Variants in PIP5K1A observed in about 807,000 individuals in gnomAD.
PIP5K1A encodes the protein phosphatidylinositol 4-phosphate 5-kinase type-1 alpha.
Under a neutral mutation model 72.9 loss-of-function variants are expected in PIP5K1A, and 46 were observed. That is an observed-to-expected ratio of 0.63 (90% CI 0.50 to 0.81). The LOEUF is 0.81. Among genes scored for constraint, PIP5K1A ranks in the 30% least tolerant of loss-of-function variants. The pLI is 0.00. For missense variants in PIP5K1A, 458 were observed against 706.1 expected (o/e 0.65, Z 3.98); for synonymous variants, 228 against 255.1 (o/e 0.89, Z 1.01).
At chr1:151,224,476 A>G (rs943076592) in intron 3 of PIP5K1A, 70 bp downstream of exon 3, 1 of 1,130,742 alleles carries the variant, frequency 8.8e-7, no homozygotes, top group Non-Finnish European at 1.3e-6. Context: ...TCTCACATTT[A>G]TTGAGCATTT....
rs900643976 is a variant in PIP5K1A at position 151,248,891 on chromosome 1, C to T, written c.*1026C>T. 1.3e-5 allele frequency: 2 copies of T among 152,592 alleles called. No individual in the cohort carries two copies. Among genetic ancestry groups the T allele is most frequent in the African/African-American group, 4.8e-5 (2 of 41,446 alleles). 9.5% of individuals were successfully genotyped at this position (152,592 alleles called of 1,614,324 possible). A position where few individuals can be genotyped will look rare whatever the true frequency, so the allele number is the denominator to read the frequency against. On this transcript the variant is annotated 3_prime_UTR_variant, in exon 16 of 16. Transcript: ENST00000368888. ...TAAGGTAAAGAGGGGACACTTCTGT[C>T]TGTTTAACAGACAGTCCATATCTGT...
At chr1:151,198,011 C>T (rs746077704), upstream of PIP5K1A, 21 of 469,890 alleles carry the variant, frequency 4.5e-5, no homozygotes, top group Non-Finnish European at 1.8e-5. Context: ...CAGGTCTTCA[C>T]TGATTCATGC....
rs115083318 is a variant in PIP5K1A at position 151,202,258 on chromosome 1, G to A, written c.85+3177G>A. ...GAACATTGTCCTTTAGGATTTCAGA[G>A]TTTCACCAAAACTTAAGTGGAGTTC... On this transcript the variant is annotated intron_variant, in intron 1 of 15. Transcript: ENST00000368888. 4.4e-3 allele frequency among the ~76,000 whole-genome samples: 668 copies of A among 152,254 alleles called. 7 individuals carry two copies. The highest frequency in any genetic ancestry group is 0.015 in the African/African-American group (630 of 41,538).
At chr1:151,247,586 C>T (rs587602722) in intron 15 of PIP5K1A, among the ~76,000 whole-genome samples, 29 of 152,172 alleles carry the variant, frequency 1.9e-4, no homozygotes, top group South Asian at 1.7e-3. Context: ...CCACCATGCC[C>T]GGCTAATTTT....
chr1:151,237,756 G>A (rs1691101949), intron 9 of PIP5K1A, among the ~76,000 whole-genome samples: 1 of 152,150 alleles, frequency 6.6e-6, no homozygotes, highest in Admixed American at 6.5e-5. Flanking sequence ...AAATATCTTA[G>A]ATTGTTTCAT....
chr1:151,212,516 C>G (rs1305426349), intron 1 of PIP5K1A, among the ~76,000 whole-genome samples: 2 of 152,142 alleles, frequency 1.3e-5, no homozygotes, highest in East Asian at 3.8e-4. Context: ...TGGAATGCTT[C>G]CTTAGGACTG....
At position 151,248,022 on chromosome 1, in the gene PIP5K1A, A is replaced by G. The variant is rs771981387; in HGVS notation, c.*157A>G. On this transcript the variant is annotated 3_prime_UTR_variant, in exon 16 of 16. Transcript: ENST00000368888. ...AGCTGCTCCTCCATCTTCTTCCTGA[A>G]GAAGAACCTTCTCTCCTTCCTCTTC... 45 of 691,290 alleles carry G rather than the reference A, an allele frequency of 6.5e-5. No homozygotes were observed. The highest frequency in any genetic ancestry group is 1.1e-4 in the Non-Finnish European group (43 of 388,172). The allele number at this position is 691,290 out of a possible 1,614,324, so 42.8% of individuals were successfully genotyped here.
intron 1 of PIP5K1A, among the ~76,000 whole-genome samples, chr1:151,211,158 T>C (rs1476830908): frequency 6.6e-6 from 1 of 152,196 alleles, no homozygotes; most frequent in Non-Finnish European, 1.5e-5. Flanking sequence ...TAAGGCCAAC[T>C]CTGTTTTGTT....
In PIP5K1A at chr1:151,242,501, G is replaced by A. The variant is rs761710169; in HGVS notation, c.1574G>A (p.Gly525Asp). 1 of 1,613,592 alleles carries A rather than the reference G, an allele frequency of 6.2e-7. No individual in the cohort carries two copies. Among genetic ancestry groups the A allele is most frequent in the Admixed American group, 1.7e-5 (1 of 60,018 alleles). Residue 525 changes from glycine (G) to aspartate (D), a missense_variant, in exon 14 of 16, where the codon GGC becomes GAC. This residue lies in a region of PIP5K1A where 157 missense variants were observed against 175.5 expected (regional missense o/e 0.89). Coordinates refer to ENST00000368888, the MANE Select transcript of PIP5K1A (RefSeq NM_001135638.2). ...CCACCTTTGGAGGAAATCAGTGAGG[G>A]CTCGCCTATTCCTGACCCCAGTTTC... ...QTPPLEEISE[G>D]SPIPDPSFSP...
At chr1:151,219,381 C>CAA (rs1179510165) in intron 1 of PIP5K1A, among the ~76,000 whole-genome samples, 83 of 67,208 alleles carry the variant, frequency 1.2e-3, no homozygotes, top group African/African-American at 3.9e-3. Flanking sequence ...ACTCTCGTCT[C>CAA]AAAAAAAAAA....
intron 4 of PIP5K1A, among the ~76,000 whole-genome samples, 199 bp from the exon 5 acceptor site, chr1:151,231,472 C>T (rs1401472855): frequency 6.6e-6 from 1 of 152,112 alleles, no homozygotes; most frequent in Non-Finnish European, 1.5e-5. Flanking sequence ...CCTCACTGTC[C>T]TTCCAATCTT....
upstream of PIP5K1A, among the ~76,000 whole-genome samples, chr1:151,197,197 G>T (rs1055183561): frequency 6.6e-6 from 1 of 151,424 alleles, no homozygotes; most frequent in Admixed American, 6.6e-5. Flanking sequence ...CGGGTCCTAG[G>T]TTACTTTATG....
intron 1 of PIP5K1A, among the ~76,000 whole-genome samples, chr1:151,223,241 C>T (rs1688639722): frequency 6.6e-6 from 1 of 151,726 alleles, no homozygotes; most frequent in Admixed American, 6.6e-5. Context: ...ATCCCAGCTA[C>T]TCGGGAGGTT....
intron 12 of PIP5K1A, 76 bp downstream of exon 12, chr1:151,240,115 A>C (rs1570992702): frequency 1.5e-4 from 152 of 1,026,742 alleles, no homozygotes; most frequent in Non-Finnish European, 1.5e-6. Context: ...AGGGCAGGAC[A>C]CCTCTGGTAG....
At chr1:151,242,380 G>C in intron 13 of PIP5K1A, 58 bp from the exon 14 acceptor site, 2 of 1,606,794 alleles carry the variant, frequency 1.2e-6, no homozygotes, top group East Asian at 2.2e-5. Flanking sequence ...AGGAAGCCTA[G>C]CTGCTACATA....
chr1:151,199,033 G>C lies in PIP5K1A; in HGVS notation c.37G>C (p.Gly13Arg). ...CTCCTCCGGGCCGTCGTCTTCGGTC[G>C]GTTTTTCATCCTTTGATCCCGCGGT... The part of the protein sequence containing the change: ...SASSGPSSSV[G>R]FSSFDPAVPS... The change falls in exon 1 of 16, where the codon GGT becomes CGT. Residue 13 changes from glycine (G) to arginine (R), a missense_variant. By Grantham distance (125) the Gly-to-Arg change is moderately radical. Around this residue, in one of 3 missense-constraint regions of PIP5K1A, gnomAD observed 81 missense variants for 88.0 expected, o/e 0.92. Transcript: ENST00000368888. 1 of 1,614,202 alleles carries C rather than the reference G, an allele frequency of 6.2e-7. No individual in the cohort carries two copies. Among genetic ancestry groups the C allele is most frequent in the East Asian group, 2.2e-5 (1 of 44,884 alleles).
At chr1:151,232,128 T>G in intron 5 of PIP5K1A, 120 bp from the exon 6 acceptor site, 1 of 734,226 alleles carries the variant, frequency 1.4e-6, no homozygotes, top group South Asian at 1.6e-5. Context: ...TGTGATTATC[T>G]TAGGAGGAAT....
rs587693981 is a variant in PIP5K1A, at chr1:151,235,918, C to T, written c.940-640C>T. On this transcript the variant is annotated intron_variant, in intron 8 of 15. Coordinates refer to ENST00000368888, the MANE Select transcript of PIP5K1A (RefSeq NM_001135638.2). ...CAGGCAGATCACCAGGTCAGGCGTT[C>T]GAGACCAGCCTGGCCAACATGGTGA... Among the ~76,000 whole-genome samples, 171 of 150,194 alleles carry T rather than the reference C, an allele frequency of 1.1e-3. 4 individuals are homozygous for T. The South Asian group carries it at 0.029, about 26-fold the overall frequency.
chr1:151,229,784 T>C (rs1401801713), intron 4 of PIP5K1A, among the ~76,000 whole-genome samples: 1 of 150,222 alleles, frequency 6.7e-6, no homozygotes, highest in African/African-American at 2.4e-5. Flanking sequence ...TATTTGTACA[T>C]GAAAAAAACT....
Sources: allele counts gnomAD v4.1 joint callset (sites outside exome capture counted in the v4.1 genomes callset), GRCh38; gene constraint gnomAD v4.1.1; regional missense constraint gnomAD v4.1.1; transcripts MANE v1.5; gene names NCBI Gene and HGNC (gene_info 2026-07-23, HGNC 2026-07-21).